The following ST3GAL5 variants were observed in gnomAD, a reference collection of about 807,000 sequenced individuals.
ST3GAL5 encodes the protein ST3 beta-galactoside alpha-2,3-sialyltransferase 5.
ST3GAL5 carries 25 observed loss-of-function variants against 46.1 expected under a neutral mutation model. That is an observed-to-expected ratio of 0.54 (90% confidence interval 0.40 to 0.76). The LOEUF is 0.76. ST3GAL5 is among the 30% of genes least tolerant of loss of function. The probability of loss-of-function intolerance (pLI) is 0.00; values close to 1 mark genes in which losing one functional copy is unlikely to be tolerated. For synonymous variants in ST3GAL5, 182 were observed against 192.7 expected (o/e 0.94, Z 0.46); for missense variants, 431 against 521.2 (o/e 0.83, Z 1.69).
At chr2:85,856,507 G>A (rs1684125048) in intron 3 of ST3GAL5, 2 of 152,132 alleles carry the variant, frequency 1.3e-5, no homozygotes, top group South Asian at 2.1e-4. Context: ...AGATCATGGT[G>A]ATGGTTGCAC....
At chr2:85,851,550 A>C (rs1558660837) in intron 3 of ST3GAL5, 1 of 1,289,354 alleles carries the variant, frequency 7.8e-7, no homozygotes, top group Non-Finnish European at 1.0e-6. Flanking sequence ...ACAACCAGAC[A>C]TCATTGTCTT....
rs547975174 is a variant in ST3GAL5, at chr2:85,882,816, C to T, written c.82+6008G>A. Among the ~76,000 whole-genome samples, 136 of 73,562 alleles carry T rather than the reference C, an allele frequency of 1.8e-3. 1 individual carries two copies. The highest frequency in any genetic ancestry group is 5.8e-3 in the African/African-American group (111 of 19,002). 48.3% of individuals were successfully genotyped at this position (73,562 alleles called of 152,430 possible). On this transcript the variant is annotated intron_variant, in intron 1 of 6. Transcript: ENST00000638572. ...CGCCATTGCACTCCAGCCTGTGCAA[C>T]GGAGAGAGACTCTGTCTCAAAAAAA...
intron 1 of ST3GAL5, among the ~76,000 whole-genome samples, chr2:85,869,699 T>C (rs1685698830): frequency 6.6e-6 from 1 of 152,282 alleles, no homozygotes; most frequent in East Asian, 1.9e-4. Flanking sequence ...AAATAAAGGA[T>C]GTCAGCACTC....
intron 1 of ST3GAL5, among the ~76,000 whole-genome samples, chr2:85,887,051 C>T (rs1265900762): frequency 6.6e-6 from 1 of 152,084 alleles, no homozygotes; most frequent in African/African-American, 2.4e-5. Context: ...TCCAAGACAC[C>T]CACCTCAGCC....
chr2:85,842,236 C>T (rs1573573512), intron 6 of ST3GAL5, among the ~76,000 whole-genome samples: 1 of 152,206 alleles, frequency 6.6e-6, no homozygotes, highest in East Asian at 1.9e-4. Flanking sequence ...GAAATTAACA[C>T]AAAGGACACT....
chr2:85,846,093 G>A (rs1682763924), intron 5 of ST3GAL5: 2 of 375,682 alleles, frequency 5.3e-6, no homozygotes, highest in South Asian at 5.2e-5. Context: ...CTACTCGGGA[G>A]GCTGAGGCAG....
chr2:85,883,558 T>C (rs1345188862), intron 1 of ST3GAL5, among the ~76,000 whole-genome samples: 4 of 152,106 alleles, frequency 2.6e-5, no homozygotes, highest in Admixed American at 6.5e-5. Context: ...CAGGCCTGAA[T>C]AGGAACTGGA....
At chr2:85,873,001 A>T (rs891274960) in intron 1 of ST3GAL5, among the ~76,000 whole-genome samples, 1 of 152,178 alleles carries the variant, frequency 6.6e-6, no homozygotes, top group African/African-American at 2.4e-5. Context: ...GAGGCAAGAC[A>T]TGGTGTGCTG....
At chr2:85,873,156 A>T (rs1686141427) in intron 1 of ST3GAL5, among the ~76,000 whole-genome samples, 1 of 152,110 alleles carries the variant, frequency 6.6e-6, no homozygotes, top group South Asian at 2.1e-4. Context: ...TTCTCTGCAC[A>T]TCTGCCTTCC....
chr2:85,867,887 T>C (rs1314192899), intron 1 of ST3GAL5: 4 of 570,394 alleles, frequency 7.0e-6, no homozygotes, highest in Non-Finnish European at 9.7e-6. Context: ...GAAGTCAACA[T>C]GGCAGATTAG....
Position 85,861,645 on chromosome 2 carries a change from T to TAAAA in ST3GAL5, c.207-357_207-354dup, listed in dbSNP as rs3046643. 6.2e-4 allele frequency among the ~76,000 whole-genome samples: 77 copies of TAAAA among 123,754 alleles called. 2 individuals carry two copies. The highest frequency in any genetic ancestry group is 3.0e-3 in the South Asian group (11 of 3,686). 81.2% of individuals were successfully genotyped at this position (123,754 alleles called of 152,430 possible). On this transcript the variant is annotated intron_variant, in intron 2 of 6. Coordinates refer to ENST00000638572, the MANE Select transcript of ST3GAL5 (RefSeq NM_003896.4). ...GTGACCTGAAAATTCTGTCAGTCCT[T>TAAAA]AAAAAAAAAAAAAAAAAAGAAAAGA...
intron 1 of ST3GAL5, among the ~76,000 whole-genome samples, chr2:85,875,201 G>A (rs189501904): frequency 5.9e-5 from 9 of 152,028 alleles, no homozygotes; most frequent in Non-Finnish European, 1.3e-4. Flanking sequence ...AGGACGATAG[G>A]TGTATACCAC....
intron 1 of ST3GAL5, among the ~76,000 whole-genome samples, chr2:85,870,678 CTTTTT>C (rs898048174): frequency 1.2e-4 from 17 of 143,992 alleles, no homozygotes; most frequent in Admixed American, 5.6e-4. Flanking sequence ...TAATCGTACA[CTTTTT>C]TTTTTTTTTT....
rs1007774956 is a variant in ST3GAL5, at chr2:85,863,582, T to C, written c.83-97A>G. On this transcript the variant is annotated intron_variant, in intron 1 of 6. Transcript: ENST00000638572. ...AAAGAGCCTTTATATGTTGCATCCA[T>C]ACCATGGAATAGTAACTGGCAATAA... 3 of 1,314,034 alleles carry C rather than the reference T, an allele frequency of 2.3e-6. No individual in the cohort carries two copies. In the African/African-American group the frequency reaches 4.3e-5, roughly 19 times the overall value. 81.4% of individuals were successfully genotyped at this position (1,314,034 alleles called of 1,614,324 possible).
At position 85,851,245 on chromosome 2, in the gene ST3GAL5, C is replaced by G; in HGVS notation, c.319-3041G>C. 4 of 1,079,876 alleles carry G rather than the reference C, an allele frequency of 3.7e-6. No homozygotes were observed. In the South Asian group the frequency reaches 1.1e-4, roughly 31 times the overall value. The allele number at this position is 1,079,876 out of a possible 1,614,324, so 66.9% of individuals were successfully genotyped here. A position where few individuals can be genotyped will look rare whatever the true frequency, so the allele number is the denominator to read the frequency against. On this transcript the variant is annotated intron_variant, in intron 3 of 6. Coordinates refer to ENST00000638572, the MANE Select transcript of ST3GAL5 (RefSeq NM_003896.4). ...TTAATTTTCTAGACTGTGGGTAGGG[C>G]ACATTTCTCAGTAGTCACCTTCTGA...
At position 85,848,171 on chromosome 2, in the gene ST3GAL5, T is replaced by C; in HGVS notation, c.352A>G (p.Lys118Glu). ...TTGGCAAACTTGGGACGACATTCCTTCTGCAAGACTTGCTGAGCATATTTC... is the reference window on the plus strand; with the variant it reads ...TTGGCAAACTTGGGACGACATTCCTCCTGCAAGACTTGCTGAGCATATTTC... ...AQKYAQQVLQ[K>E]ECRPKFAKTS... Residue 118 changes from lysine (K) to glutamate (E), a missense_variant, in exon 4 of 7, where the codon AAG becomes GAG. Coordinates refer to ENST00000638572, the MANE Select transcript of ST3GAL5 (RefSeq NM_003896.4). 1 of 1,614,218 alleles carries C rather than the reference T, an allele frequency of 6.2e-7. No homozygotes were observed. Among genetic ancestry groups the C allele is most frequent in the Non-Finnish European group, 8.5e-7 (1 of 1,180,020 alleles).
At chr2:85,875,031 C>A (rs916291653) in intron 1 of ST3GAL5, among the ~76,000 whole-genome samples, 2 of 152,022 alleles carry the variant, frequency 1.3e-5, no homozygotes, top group Non-Finnish European at 2.9e-5. Flanking sequence ...CTGTCTCCCC[C>A]CCACCATGGA....
chr2:85,870,314 G>A (rs1373625661), intron 1 of ST3GAL5: 4 of 454,484 alleles, frequency 8.8e-6, no homozygotes, highest in Non-Finnish European at 1.4e-5. Flanking sequence ...GAATAAATAC[G>A]CAGTTTCTTA....
intron 1 of ST3GAL5, among the ~76,000 whole-genome samples, chr2:85,869,378 T>C (rs1197691582): frequency 6.9e-6 from 1 of 144,824 alleles, no homozygotes; most frequent in Non-Finnish European, 1.5e-5. Flanking sequence ...TTATTTCTTT[T>C]TGCATTCCTT....
Sources: gnomAD v4.1 joint callset for allele counts (sites outside exome capture counted in the v4.1 genomes callset) on GRCh38, gnomAD v4.1.1 for gene constraint, MANE v1.5 for transcripts, NCBI Gene and HGNC (gene_info 2026-07-23, HGNC 2026-07-21) for gene names.